NBAS: variants seen among roughly 807,000 people sequenced by gnomAD.
The protein encoded by NBAS is NBAS subunit of NRZ tethering complex, also known as NAG/BC035112 fusion.
NBAS carries 219 observed loss-of-function variants against 302.5 expected under a neutral mutation model. The observed-to-expected ratio is 0.72, with a 90% CI of 0.65 to 0.81. The LOEUF is 0.81. Among genes scored for constraint, NBAS ranks in the 30% least tolerant of loss-of-function variants. The pLI is 0.00. For synonymous variants in NBAS, 1,118 were observed against 1,021.6 expected (o/e 1.09, Z -1.80); for missense variants, 2,932 against 2,841.6 (o/e 1.03, Z -0.72).
chr2:14,956,790 C>T, the NBAS span, among the ~76,000 whole-genome samples: 6 of 152,070 alleles, frequency 3.9e-5, no homozygotes, highest in African/African-American at 1.4e-4. Context: ...TGGTCCTGCC[C>T]TTGACACGTG....
At chr2:15,163,131 G>A (rs529592764), downstream of NBAS, among the ~76,000 whole-genome samples, 6 of 152,162 alleles carry the variant, frequency 3.9e-5, no homozygotes, top group Non-Finnish European at 7.3e-5. Context: ...GAAGCAATGG[G>A]AATTCTCACT....
chr2:15,234,497 G>T, intron 46 of NBAS, 48 bp downstream of exon 46: 1 of 1,582,106 alleles, frequency 6.3e-7, no homozygotes, highest in South Asian at 1.1e-5. Flanking sequence ...CACCATCACT[G>T]ACAAAGTGTC....
At chr2:14,916,036 T>C in the NBAS span, among the ~76,000 whole-genome samples, 1 of 152,140 alleles carries the variant, frequency 6.6e-6, no homozygotes, top group Non-Finnish European at 1.5e-5. Context: ...CAGTCTCAGG[T>C]ATGTCTTTAT....
At chr2:15,379,919 A>C in intron 29 of NBAS, 88 bp from the exon 30 acceptor site, 3 of 1,239,622 alleles carry the variant, frequency 2.4e-6, no homozygotes, top group Non-Finnish European at 3.5e-6. Context: ...AAATGAAAGA[A>C]ATTAAAAACA....
At chr2:15,290,143 A>T (rs1670243202) in intron 41 of NBAS, among the ~76,000 whole-genome samples, 1 of 151,750 alleles carries the variant, frequency 6.6e-6, no homozygotes, top group Non-Finnish European at 1.5e-5. Context: ...AAGAGAAGAG[A>T]AAAGGGACAT....
chr2:15,340,902 G>C (rs753410342), intron 35 of NBAS, among the ~76,000 whole-genome samples: 2 of 152,118 alleles, frequency 1.3e-5, no homozygotes, highest in African/African-American at 4.8e-5. Context: ...GGTGGTGACC[G>C]AGGCACAAGC....
chr2:14,803,151 G>A, the NBAS span, among the ~76,000 whole-genome samples: 1 of 152,058 alleles, frequency 6.6e-6, no homozygotes, highest in African/African-American at 2.4e-5. Flanking sequence ...ATTACTCTCA[G>A]GCAAACTCTT....
chr2:14,874,867 T>C, the NBAS span, among the ~76,000 whole-genome samples: 6 of 152,028 alleles, frequency 3.9e-5, no homozygotes, highest in Non-Finnish European at 5.9e-5. Flanking sequence ...ATAAATAATA[T>C]CATTCACTCT....
chr2:14,943,063 T>C, the NBAS span, among the ~76,000 whole-genome samples: 57 of 152,344 alleles, frequency 3.7e-4, no homozygotes, highest in African/African-American at 1.3e-3. Context: ...CTTTCCTCAT[T>C]CTCAGCATGA....
chr2:15,047,524 C>T, the NBAS span, among the ~76,000 whole-genome samples: 7 of 151,252 alleles, frequency 4.6e-5, no homozygotes, highest in East Asian at 3.9e-4. Context: ...AGGCTGGGCC[C>T]GGGCAGATGA....
chr2:15,545,777 T>TGCCAACCCTTTTCAAACCA (rs1209523261), intron 6 of NBAS, among the ~76,000 whole-genome samples: 2 of 152,194 alleles, frequency 1.3e-5, no homozygotes, highest in African/African-American at 4.8e-5. Flanking sequence ...AGGGAACACT[T>TGCCAACCCTTTTCAAACCA]GCCAACCCTT....
At chr2:15,027,925 T>A in the NBAS span, among the ~76,000 whole-genome samples, 1 of 152,226 alleles carries the variant, frequency 6.6e-6, no homozygotes, top group African/African-American at 2.4e-5. Flanking sequence ...TTTGTCAATA[T>A]AATAGATGTG....
the NBAS span, among the ~76,000 whole-genome samples, chr2:14,988,546 C>G: frequency 6.6e-6 from 1 of 152,130 alleles, no homozygotes; most frequent in East Asian, 1.9e-4. Context: ...TTCACTGTGT[C>G]ATAGTTCCAA....
chr2:15,103,008 GAA>G, the NBAS span, among the ~76,000 whole-genome samples: 1 of 134,246 alleles, frequency 7.4e-6, no homozygotes, highest in Non-Finnish European at 1.6e-5. Flanking sequence ...AGGAAGGAAG[GAA>G]GGAAGGAAGG....
chr2:15,167,611 G>A (rs1410700422), intron 51 of NBAS, among the ~76,000 whole-genome samples: 1 of 152,140 alleles, frequency 6.6e-6, no homozygotes. Context: ...TCTTCACCAA[G>A]GCCTTCTGAT....
Position 15,511,197 on chromosome 2 carries a change from A to G in NBAS, c.885+15T>C, listed in dbSNP as rs762926115. The G allele has an allele frequency of 1.3e-5, 21 of 1,613,940 alleles. No individual in the cohort carries two copies. In the East Asian group the frequency reaches 2.2e-4, roughly 17 times the overall value. ...ATGACACATAGCAAAGTGAAGTGCC[A>G]TAACTCATACTTACTGCAGTAACCC... On this transcript the variant is annotated intron_variant, in intron 10 of 51. Transcript: ENST00000281513.
chr2:15,160,109 G>A, the NBAS span, among the ~76,000 whole-genome samples: 12 of 152,258 alleles, frequency 7.9e-5, no homozygotes, highest in East Asian at 1.5e-3. Context: ...ATGGAGAGCC[G>A]TTCAAGGGCT....
chr2:15,341,865 C>T (rs569836641), intron 35 of NBAS, among the ~76,000 whole-genome samples: 1 of 152,110 alleles, frequency 6.6e-6, no homozygotes, highest in Non-Finnish European at 1.5e-5. Context: ...GACCTATATG[C>T]TCACTAAAAT....
At chr2:14,869,515 A>G in the NBAS span, among the ~76,000 whole-genome samples, 1 of 152,114 alleles carries the variant, frequency 6.6e-6, no homozygotes, top group Non-Finnish European at 1.5e-5. Context: ...TTAATTTATC[A>G]AAGTTTTTTA....
Sources: gnomAD v4.1 joint callset for allele counts (sites outside exome capture counted in the v4.1 genomes callset) on GRCh38, gnomAD v4.1.1 for gene constraint, MANE v1.5 for transcripts, NCBI Gene and HGNC (gene_info 2026-07-23, HGNC 2026-07-21) for gene names.